Variants in GALNT13 observed in about 807,000 individuals in gnomAD.
GALNT13 encodes polypeptide N-acetylgalactosaminyltransferase 13, also known as UDP-GalNAc:polypeptide N-acetylgalactosaminyltransferase 13.
GALNT13 carries 28 observed loss-of-function variants against 64.2 expected under a neutral mutation model. The ratio of observed to expected loss-of-function variants is 0.44; its 90% CI spans 0.32 to 0.60. GALNT13 has a LOEUF of 0.60. GALNT13 is among the 20% of genes least tolerant of loss of function. The probability of loss-of-function intolerance (pLI) is 0.05; values close to 1 mark genes in which losing one functional copy is unlikely to be tolerated. For synonymous variants in GALNT13, 214 were observed against 224.6 expected, an observed-to-expected ratio of 0.95 and a Z score of 0.42; for missense variants, 577 against 669.8, an observed-to-expected ratio of 0.86 and a Z score of 1.53.
chr2:154,123,530 G>T (rs975099810), intron 3 of GALNT13, among the ~76,000 whole-genome samples: 1 of 151,684 alleles, frequency 6.6e-6, no homozygotes, highest in African/African-American at 2.4e-5. Context: ...TGAATAACAT[G>T]GCTACACACT....
intron 3 of GALNT13, among the ~76,000 whole-genome samples, chr2:153,955,340 C>T (rs1201669615): frequency 6.6e-6 from 1 of 151,976 alleles, no homozygotes; most frequent in East Asian, 1.9e-4. Flanking sequence ...ACCAAATAAA[C>T]TTGAATAAGA....
intron 3 of GALNT13, among the ~76,000 whole-genome samples, chr2:154,023,270 C>G (rs61169476): frequency 0.097 from 14,781 of 152,186 alleles, 1,775 homozygotes; most frequent in East Asian, 0.62. Flanking sequence ...TCTCGTTTAT[C>G]TGTCTAATGT....
the GALNT13 span, among the ~76,000 whole-genome samples, chr2:153,608,419 A>G: frequency 6.6e-6 from 1 of 152,116 alleles, no homozygotes; most frequent in African/African-American, 2.4e-5. Context: ...AGAAGATTAA[A>G]AAGAGAAATA....
the GALNT13 span, among the ~76,000 whole-genome samples, chr2:153,622,301 A>G: frequency 6.6e-6 from 1 of 152,152 alleles, no homozygotes. Flanking sequence ...TTTATTTACA[A>G]AGATCTTAAG....
the GALNT13 span, among the ~76,000 whole-genome samples, chr2:153,576,334 GAGC>G: frequency 7.9e-5 from 12 of 152,260 alleles, no homozygotes; most frequent in African/African-American, 2.6e-4. Flanking sequence ...ACTCACCTAA[GAGC>G]TACAGTCCTT....
intron 4 of GALNT13, among the ~76,000 whole-genome samples, chr2:154,143,489 T>C (rs1371937607): frequency 6.7e-6 from 1 of 149,466 alleles, no homozygotes; most frequent in African/African-American, 2.5e-5. Context: ...ATCAGAACCA[T>C]GAATTAAAAA....
chr2:153,406,010 C>T, the GALNT13 span, among the ~76,000 whole-genome samples: 1 of 152,150 alleles, frequency 6.6e-6, no homozygotes, highest in Admixed American at 6.5e-5. Context: ...TACTTCCCTC[C>T]CTGATCCCTG....
At chr2:153,105,496 C>T in the GALNT13 span, among the ~76,000 whole-genome samples, 2 of 152,108 alleles carry the variant, frequency 1.3e-5, no homozygotes, top group African/African-American at 4.8e-5. Context: ...CACTCCTATT[C>T]AACATAGTGT....
At chr2:154,285,163 C>T (rs976228455) in intron 8 of GALNT13, among the ~76,000 whole-genome samples, 2 of 152,106 alleles carry the variant, frequency 1.3e-5, no homozygotes, top group African/African-American at 4.8e-5. Context: ...TTCTCCCAGT[C>T]CATGAGTTGT....
At chr2:153,090,980 C>T in the GALNT13 span, among the ~76,000 whole-genome samples, 1 of 152,102 alleles carries the variant, frequency 6.6e-6, no homozygotes, top group African/African-American at 2.4e-5. Context: ...CTGTTGAGAA[C>T]CTGCCTGAGG....
chr2:154,230,153 T>C (rs952761932), intron 4 of GALNT13, among the ~76,000 whole-genome samples: 2 of 152,072 alleles, frequency 1.3e-5, no homozygotes, highest in Non-Finnish European at 2.9e-5. Context: ...GAGTGGTCAG[T>C]TGACTGGGAT....
the GALNT13 span, among the ~76,000 whole-genome samples, chr2:153,400,255 T>C: frequency 2.0e-5 from 3 of 152,084 alleles, no homozygotes; most frequent in East Asian, 1.9e-4. Context: ...TGAACCAGCC[T>C]TGCATCCCAG....
chr2:153,326,857 C>A, the GALNT13 span, among the ~76,000 whole-genome samples: 465 of 152,124 alleles, frequency 3.1e-3, 19 homozygotes, highest in East Asian at 0.082. Flanking sequence ...AGGCCAAGGC[C>A]GGTGGATCAT....
chr2:153,080,239 T>G, the GALNT13 span, among the ~76,000 whole-genome samples: 1 of 152,200 alleles, frequency 6.6e-6, no homozygotes, highest in Non-Finnish European at 1.5e-5. Flanking sequence ...TACCCCTTTT[T>G]CTTTTTGGGG....
Position 154,168,474 on chromosome 2 carries a change from GT to G in GALNT13, c.311+27972del, listed in dbSNP as rs367882068. Among the ~76,000 whole-genome samples the G allele has an allele frequency of 2.3e-3, 353 of 152,068 alleles. 4 individuals carry two copies. Among genetic ancestry groups the G allele is most frequent in the African/African-American group, 7.7e-3 (319 of 41,480 alleles). On this transcript the variant is annotated intron_variant, in intron 4 of 12. Coordinates refer to ENST00000392825, the MANE Select transcript of GALNT13 (RefSeq NM_052917.4). The stretch of plus-strand genomic sequence containing the variant: ...CCACTATAGAAACATCTAAAATAAT[GT>G]TTGACCAAATGTTTTGGTCCATTAG...
chr2:154,214,753 T>C (rs1188045426), intron 4 of GALNT13, among the ~76,000 whole-genome samples: 2 of 152,178 alleles, frequency 1.3e-5, no homozygotes, highest in Non-Finnish European at 2.9e-5. Context: ...CCTGTGGAAC[T>C]GAGTAAATTA....
chr2:153,344,880 A>C, the GALNT13 span, among the ~76,000 whole-genome samples: 1 of 152,194 alleles, frequency 6.6e-6, no homozygotes, highest in Non-Finnish European at 1.5e-5. Context: ...TACAATTTGA[A>C]TTTCTCAAGC....
rs1470649880 is a variant in GALNT13, at chr2:154,438,607, G to A, written c.1411G>A (p.Ala471Thr). 5 of 1,611,212 alleles carry A rather than the reference G, an allele frequency of 3.1e-6. No individual in the cohort carries two copies. Among genetic ancestry groups the A allele is most frequent in the Admixed American group, 1.7e-5 (1 of 59,868 alleles). ...MGGNQVFSYT[A>T]DKEIRTDDLC... Reference sequence around the variant, plus strand: ...ATATTTTCAGGTATTTTCTTACACTGCTGACAAAGAAATCCGAACCGATGA... The same window carrying A: ...ATATTTTCAGGTATTTTCTTACACTACTGACAAAGAAATCCGAACCGATGA... Residue 471 changes from alanine (A) to threonine (T), a missense_variant, in exon 12 of 13, where the codon GCT (alanine) becomes ACT (threonine). By Grantham distance (58) the Ala-to-Thr change is moderately conservative. Coordinates refer to ENST00000392825, the MANE Select transcript of GALNT13 (RefSeq NM_052917.4).
chr2:154,148,945 G>A (rs1234776404), intron 4 of GALNT13, among the ~76,000 whole-genome samples: 1 of 152,140 alleles, frequency 6.6e-6, no homozygotes, highest in Non-Finnish European at 1.5e-5. Context: ...GATACCATTT[G>A]TCAGTTTTGG....
Sources: allele counts gnomAD v4.1 joint callset (sites outside exome capture counted in the v4.1 genomes callset), GRCh38; gene constraint gnomAD v4.1.1; transcripts MANE v1.5; gene names NCBI Gene and HGNC (gene_info 2026-07-23, HGNC 2026-07-21).